CCDC174: variants seen among roughly 807,000 people sequenced by gnomAD.
CCDC174 encodes the protein coiled-coil domain-containing protein 174.
In CCDC174, 37 loss-of-function variants were observed where a neutral mutation model predicts 57.1. The ratio of observed to expected loss-of-function variants is 0.65; its 90% CI spans 0.50 to 0.85. CCDC174 has a LOEUF of 0.85. CCDC174 is among the 40% of genes least tolerant of loss of function. The pLI is 0.00. For missense variants in CCDC174, 540 were observed against 574.3 expected (o/e 0.94, Z 0.61); for synonymous variants, 182 against 190.2 (o/e 0.96, Z 0.35).
chr3:14,669,936 G>A lies in CCDC174; in HGVS notation c.955G>A (p.Gly319Arg). The A allele has an allele frequency of 6.2e-7, 1 of 1,613,724 alleles. No individual in the cohort carries two copies. Among genetic ancestry groups the A allele is most frequent in the Non-Finnish European group, 8.5e-7 (1 of 1,179,826 alleles). Residue 319 changes from glycine (G) to arginine (R), a missense_variant and splice_region_variant, in exon 10 of 11, where the codon GGA (glycine) becomes AGA (arginine). Transcript: ENST00000383794. Reference protein sequence around the residue: ...EGGTEEENRDGDVIGPLPPEP... With the variant: ...EGGTEEENRDRDVIGPLPPEP... Reference sequence around the variant, plus strand: ...TCTTATTCTTTTACAAAAAATAGATGGAGATGTTATTGGGCCTTTGCCACC... The same window carrying A: ...TCTTATTCTTTTACAAAAAATAGATAGAGATGTTATTGGGCCTTTGCCACC...
intron 9 of CCDC174, among the ~76,000 whole-genome samples, chr3:14,668,837 T>C (rs1446672391): frequency 6.6e-6 from 1 of 152,230 alleles, no homozygotes; most frequent in Non-Finnish European, 1.5e-5. Flanking sequence ...ATCCAGGGCA[T>C]GTGAGTAGCT....
chr3:14,669,427 A>G (rs2031447321), intron 9 of CCDC174, among the ~76,000 whole-genome samples: 1 of 152,188 alleles, frequency 6.6e-6, no homozygotes, highest in South Asian at 2.1e-4. Flanking sequence ...AAGCGCCACC[A>G]CAGTGTTTTT....
At position 14,665,028 on chromosome 3, in the gene CCDC174, G is replaced by C. The variant is rs1397926963; in HGVS notation, c.486G>C (p.Trp162Cys). The C allele has an allele frequency of 9.3e-6, 15 of 1,612,348 alleles. No individual in the cohort carries two copies. Among genetic ancestry groups the C allele is most frequent in the Non-Finnish European group, 1.3e-5 (15 of 1,178,562 alleles). ...IPPPQDPSEE[W>C]VDYVDSLGRS... ...TCACATCTTTTTGCTTTCATTTCAG[G>C]GTGGATTACGTGGACTCTTTGGGGC... is the stretch of plus-strand genomic sequence containing the variant. Residue 162 changes from tryptophan to cysteine, a missense_variant and splice_region_variant, in exon 6 of 11, where the codon TGG becomes TGC. Physicochemically the swap from Trp to Cys is radical, Grantham distance 215. Transcript: ENST00000383794.
chr3:14,664,941 T>TC (rs2031265002), intron 5 of CCDC174, 87 bp from the exon 6 acceptor site: 1 of 908,322 alleles, frequency 1.1e-6, no homozygotes, highest in Non-Finnish European at 1.8e-6. Flanking sequence ...AGGCCTATCT[T>TC]CCCCCTTCAC....
chr3:14,666,764 A>G (rs201598636), intron 6 of CCDC174, 41 bp from the exon 7 acceptor site: 19 of 1,519,498 alleles, frequency 1.3e-5, no homozygotes, highest in South Asian at 2.6e-5. Flanking sequence ...TGATATCTCA[A>G]TCCTTATCTG....
At chr3:14,657,266 C>G (rs2030988565) in intron 3 of CCDC174, among the ~76,000 whole-genome samples, 1 of 152,326 alleles carries the variant, frequency 6.6e-6, no homozygotes, top group Admixed American at 6.5e-5. Context: ...TCAGAACACG[C>G]AAGCACAGTC....
chr3:14,667,035 GC>G, intron 7 of CCDC174, 88 bp downstream of exon 7: 2 of 1,123,148 alleles, frequency 1.8e-6, no homozygotes, highest in South Asian at 3.2e-5. Flanking sequence ...TAAAGCAATA[GC>G]TTTTACATGG....
chr3:14,654,932 A>C (rs1230144619), intron 2 of CCDC174, among the ~76,000 whole-genome samples: 1 of 152,208 alleles, frequency 6.6e-6, no homozygotes. Flanking sequence ...TTGTATTACT[A>C]ATTCTCTGTA....
intron 5 of CCDC174, among the ~76,000 whole-genome samples, chr3:14,663,691 C>T (rs139063125): frequency 6.6e-6 from 1 of 152,252 alleles, no homozygotes; most frequent in Non-Finnish European, 1.5e-5. Context: ...AGGCCTTCTC[C>T]AGAAACAGAA....
At chr3:14,669,526 G>A (rs1297388042) in intron 9 of CCDC174, among the ~76,000 whole-genome samples, 1 of 152,128 alleles carries the variant, frequency 6.6e-6, no homozygotes, top group African/African-American at 2.4e-5. Flanking sequence ...CCTTGGCTCT[G>A]CTTGCTTCGC....
intron 1 of CCDC174, among the ~76,000 whole-genome samples, chr3:14,653,233 T>G (rs1448596765): frequency 1.3e-5 from 2 of 152,212 alleles, no homozygotes; most frequent in Non-Finnish European, 2.9e-5. Flanking sequence ...AAGAATGCTA[T>G]TTGAGAATTT....
At chr3:14,661,097 A>G (rs1414945538) in intron 4 of CCDC174, among the ~76,000 whole-genome samples, 2 of 152,226 alleles carry the variant, frequency 1.3e-5, no homozygotes, top group Non-Finnish European at 2.9e-5. Context: ...ATACCACAGC[A>G]GTATAATCAG....
chr3:14,661,826 T>G, intron 5 of CCDC174, 119 bp downstream of exon 5: 1 of 849,172 alleles, frequency 1.2e-6, no homozygotes, highest in East Asian at 2.6e-5. Flanking sequence ...GGTGTTCTTT[T>G]GAGACTTCCC....
chr3:14,653,021 C>A (rs1373608307), intron 1 of CCDC174, among the ~76,000 whole-genome samples: 1 of 152,102 alleles, frequency 6.6e-6, no homozygotes, highest in Non-Finnish European at 1.5e-5. Context: ...TTGATTTAAT[C>A]TTGAATTTAC....
At chr3:14,662,520 A>T (rs1475122658) in intron 5 of CCDC174, among the ~76,000 whole-genome samples, 5 of 152,214 alleles carry the variant, frequency 3.3e-5, no homozygotes, top group Non-Finnish European at 7.3e-5. Flanking sequence ...AAGTAGAGAG[A>T]CCAGAATGGG....
Position 14,666,815 on chromosome 3 carries a change from C to T in CCDC174, c.592C>T (p.Pro198Ser). 3.8e-6 allele frequency: 6 copies of T among 1,578,992 alleles called. No homozygotes were observed. Among genetic ancestry groups the T allele is most frequent in the Non-Finnish European group, 4.3e-6 (5 of 1,170,554 alleles). ...CTGTTTTCCTGCTAGTTTTATTAGT[C>T]CTGCTAATGAAAAAACCCTATTATC... ...KNLQGRLFIS[P>S]ANEKTLLSED... The change falls in exon 7 of 11, where the codon CCT (proline) becomes TCT (serine). Residue 198 changes from proline (P) to serine (S), a missense_variant. Pro to Ser is a moderately conservative substitution (Grantham distance 74, BLOSUM62 -1). Transcript: ENST00000383794.
At chr3:14,662,130 G>T (rs749560905) in intron 5 of CCDC174, among the ~76,000 whole-genome samples, 1 of 152,172 alleles carries the variant, frequency 6.6e-6, no homozygotes, top group South Asian at 2.1e-4. Context: ...AAGGAAGCCG[G>T]CAGAGGTGGC....
rs917446067 is a variant in CCDC174, at chr3:14,651,862, A to T, written c.26A>T (p.Asp9Val). 7.4e-6 allele frequency: 12 copies of T among 1,614,104 alleles called. No homozygotes were observed. The highest frequency in any genetic ancestry group is 1.0e-5 in the Non-Finnish European group (12 of 1,180,002). ...ATGGACCGTAGGAAAAAGCCTTTGG[A>T]CGTCACGGCCTCCTCGGTGAGTGAG... MDRRKKPLDVTASSLVDLK... is the reference protein window; with the variant it reads MDRRKKPLVVTASSLVDLK... Residue 9 changes from aspartate to valine, a missense_variant, in exon 1 of 11, where the codon GAC becomes GTC. Transcript: ENST00000383794.
chr3:14,656,175 G>A (rs980594970), intron 3 of CCDC174, among the ~76,000 whole-genome samples: 4 of 151,830 alleles, frequency 2.6e-5, no homozygotes, highest in Non-Finnish European at 4.4e-5. Flanking sequence ...CCACAATACC[G>A]CTATCAAACC....
Sources: allele counts gnomAD v4.1 joint callset (sites outside exome capture counted in the v4.1 genomes callset), GRCh38; gene constraint gnomAD v4.1.1; transcripts MANE v1.5; gene names NCBI Gene and HGNC (gene_info 2026-07-23, HGNC 2026-07-21).